NHSL1: variants seen among roughly 807,000 people sequenced by gnomAD.
NHSL1 encodes NHS like 1, also known as NHS-like protein 1.
In NHSL1, 48 loss-of-function variants were observed where a neutral mutation model predicts 95.0. That is an observed-to-expected ratio of 0.51 (90% CI 0.40 to 0.64). The LOEUF (loss-of-function observed/expected upper bound fraction) is 0.64, where lower values mean the gene tolerates loss of function less well. Ranked by LOEUF, NHSL1 falls within the 30% of genes least tolerant of loss-of-function variation. The probability of loss-of-function intolerance (pLI) is 0.00; values close to 1 mark genes in which losing one functional copy is unlikely to be tolerated. For missense variants in NHSL1, 1,971 were observed against 2,077.7 expected (o/e 0.95, Z 1.00); for synonymous variants, 783 against 833.9 (o/e 0.94, Z 1.05).
At position 138,456,871 on chromosome 6, in the gene NHSL1, ATTTC is replaced by A. The variant is rs1413030103; in HGVS notation, c.340-9682_340-9679del. Among the ~76,000 whole-genome samples the A allele has an allele frequency of 1.3e-4, 19 of 151,458 alleles. No homozygotes were observed. The South Asian group carries it at 3.1e-3, about 25-fold the overall frequency. ...GTTGAATGAAAAGGTATTTTCTGGAATTTCTTTCTTTCTTTTTTTTTTTTTGGAG... is the reference window on the plus strand; with the variant it reads ...GTTGAATGAAAAGGTATTTTCTGGAATTTCTTTCTTTTTTTTTTTTTGGAG... On this transcript the variant is annotated intron_variant, in intron 3 of 7. Transcript: ENST00000343505.
In NHSL1 at chr6:138,614,627, A is replaced by T. The variant is rs150140793; in HGVS notation, c.96+77849T>A. ...GAGGAAACTGAGACACAGTGAATTTAAATAAAATACTCCATGTCAGGGGGT... is the reference window on the plus strand; with the variant it reads ...GAGGAAACTGAGACACAGTGAATTTTAATAAAATACTCCATGTCAGGGGGT... On this transcript the variant is annotated intron_variant, in intron 1 of 3. Coordinates refer to the NHSL1 transcript ENST00000491526. Among the ~76,000 whole-genome samples, 20 of 152,328 alleles carry T rather than the reference A, an allele frequency of 1.3e-4. No homozygotes were observed. The East Asian group carries it at 3.5e-3, about 26-fold the overall frequency.
chr6:138,447,103 G>C lies in NHSL1; in HGVS notation c.430C>G (p.Gln144Glu), dbSNP rs1272805639. 21 of 1,551,794 alleles carry C rather than the reference G, an allele frequency of 1.4e-5. No homozygotes were observed. Among genetic ancestry groups the C allele is most frequent in the Non-Finnish European group, 1.7e-5 (20 of 1,147,010 alleles). Residue 144 changes from glutamine to glutamate, a missense_variant, in exon 4 of 8, where the codon CAG becomes GAG. By Grantham distance (29) the Gln-to-Glu change is conservative (BLOSUM62 2). Around this residue, in one of 3 missense-constraint regions of NHSL1, gnomAD observed 1,602 missense variants for 1,654.5 expected, o/e 0.97. Transcript: ENST00000343505. Reference protein sequence around the residue: ...ASSDFSDLNTQTNWTKSLPLP... With the variant: ...ASSDFSDLNTETNWTKSLPLP... ...GGAAGCGACTTGGTCCAGTTCGTCT[G>C]AGTATTAAGGTCGGAGAAGTCACTT...
intron 1 of NHSL1, among the ~76,000 whole-genome samples, chr6:138,645,655 G>T (rs1440821951): frequency 6.6e-6 from 1 of 151,624 alleles, no homozygotes. Flanking sequence ...CTACAGGTGT[G>T]CACCACCATG....
chr6:138,433,476 T>G lies in NHSL1; in HGVS notation c.869A>C (p.Gln290Pro). ...AGAGGAACCTGAGAAGTGGCCCATC[T>G]GGGCAGCAATGCCTTGCCCCTTCTG... Reference protein sequence around the residue: ...RAQKGQGIAAQMGHFSGSSGN... With the variant: ...RAQKGQGIAAPMGHFSGSSGN... The change falls in exon 6 of 8, where the codon CAG becomes CCG. Residue 290 changes from glutamine (Q) to proline (P), a missense_variant. Transcript: ENST00000343505. 1 of 1,552,204 alleles carries G rather than the reference T, an allele frequency of 6.4e-7. No individual in the cohort carries two copies. The highest frequency in any genetic ancestry group is 8.7e-7 in the Non-Finnish European group (1 of 1,147,114).
chr6:138,574,688 GA>G (rs933076238), upstream of NHSL1, among the ~76,000 whole-genome samples: 1 of 107,356 alleles, frequency 9.3e-6, no homozygotes, highest in Admixed American at 9.1e-5. Flanking sequence ...AAAAAAAAAA[GA>G]AAAGAAAAAA....
In NHSL1 at chr6:138,636,425, A is replaced by T. The variant is rs370007479; in HGVS notation, c.96+56051T>A. On this transcript the variant is annotated intron_variant, in intron 1 of 3. Transcript: ENST00000491526. ...TGGAAGTCCTAGCTAGAGAAATCAG[A>T]CAAGAGAAAGAAAGAAAGGGCATCC... Among the ~76,000 whole-genome samples the T allele has an allele frequency of 3.5e-4, 53 of 152,292 alleles. No individual in the cohort carries two copies. The East Asian group carries it at 7.7e-3, about 22-fold the overall frequency.
At chr6:138,657,684 G>A (rs909788479) in intron 1 of NHSL1, among the ~76,000 whole-genome samples, 53 of 151,562 alleles carry the variant, frequency 3.5e-4, no homozygotes, top group African/African-American at 7.0e-4. Context: ...GCTTGGTGGC[G>A]GGCGCCTGTG....
intron 1 of NHSL1, among the ~76,000 whole-genome samples, chr6:138,586,205 C>T (rs898884444): frequency 1.3e-5 from 2 of 151,718 alleles, no homozygotes; most frequent in Non-Finnish European, 2.9e-5. Flanking sequence ...AGAGATTCTC[C>T]TGCCTCATCC....
At chr6:138,429,013 T>C (rs1562254335) in intron 7 of NHSL1, among the ~76,000 whole-genome samples, 1 of 152,244 alleles carries the variant, frequency 6.6e-6, no homozygotes, top group Non-Finnish European at 1.5e-5. Context: ...AGTGATGCAG[T>C]AAGTAAAACT....
At chr6:138,677,744 C>T (rs1785465979) in intron 1 of NHSL1, among the ~76,000 whole-genome samples, 1 of 152,180 alleles carries the variant, frequency 6.6e-6, no homozygotes, top group African/African-American at 2.4e-5. Context: ...TCTCAAACTG[C>T]TGCTTCTCAA....
chr6:138,623,180 G>A (rs1265750159), intron 1 of NHSL1, among the ~76,000 whole-genome samples: 1 of 152,142 alleles, frequency 6.6e-6, no homozygotes, highest in African/African-American at 2.4e-5. Flanking sequence ...TGGGCAAAAG[G>A]CCAGTTTAGA....
At chr6:138,581,900 T>C (rs1359570186) in intron 1 of NHSL1, among the ~76,000 whole-genome samples, 1 of 108,582 alleles carries the variant, frequency 9.2e-6, no homozygotes, top group African/African-American at 7.2e-5. Context: ...TTTCTTTCTT[T>C]TTTTTTTTTT....
At chr6:138,519,969 C>T (rs1781608365) in intron 1 of NHSL1, among the ~76,000 whole-genome samples, 1 of 152,118 alleles carries the variant, frequency 6.6e-6, no homozygotes, top group Non-Finnish European at 1.5e-5. Flanking sequence ...TTATACTTTC[C>T]CAGCTGCCTT....
chr6:138,491,130 T>C (rs372174997), intron 2 of NHSL1, among the ~76,000 whole-genome samples: 1 of 152,208 alleles, frequency 6.6e-6, no homozygotes, highest in African/African-American at 2.4e-5. Context: ...TTTTAAATTC[T>C]AGAGCCATGG....
At chr6:138,442,253 AGGGC>A in intron 4 of NHSL1, 139 bp from the exon 5 acceptor site, 1 of 841,248 alleles carries the variant, frequency 1.2e-6, no homozygotes, top group Non-Finnish European at 1.7e-6. Flanking sequence ...TGAATGCTGA[AGGGC>A]AAAAAAGGAA....
At chr6:138,494,244 A>G (rs952370660) in intron 2 of NHSL1, among the ~76,000 whole-genome samples, 2 of 152,166 alleles carry the variant, frequency 1.3e-5, no homozygotes, top group African/African-American at 4.8e-5. Context: ...TGTGTTTGAG[A>G]GCTAGGACCC....
chr6:138,687,164 G>A (rs560491824), intron 1 of NHSL1, among the ~76,000 whole-genome samples: 220 of 152,170 alleles, frequency 1.4e-3, no homozygotes, highest in Non-Finnish European at 2.7e-3. Context: ...GTCAGACACG[G>A]TGGCTCACAC....
rs1785689223 is a variant in NHSL1, at chr6:138,692,303, C to T, written c.96+173G>A. ...TCCGAAAGTCACAGAGCGCTCTGCG[C>T]CCCTGCCACCTGCCCAGCCTCCCGC... On this transcript the variant is annotated intron_variant, in intron 1 of 3. Transcript: ENST00000491526. The surrounding 1 kb of genome is among the most constrained non-coding windows in gnomAD (Gnocchi z 4.0). 1 of 389,498 alleles carries T rather than the reference C, an allele frequency of 2.6e-6. No homozygotes were observed. The highest frequency in any genetic ancestry group is 2.1e-5 in the African/African-American group (1 of 47,766). 24.1% of individuals were successfully genotyped at this position (389,498 alleles called of 1,614,324 possible). A position where few individuals can be genotyped will look rare whatever the true frequency, so the allele number is the denominator to read the frequency against.
At position 138,624,563 on chromosome 6, in the gene NHSL1, T is replaced by C. The variant is rs1325812711; in HGVS notation, c.96+67913A>G. Among the ~76,000 whole-genome samples, 6 of 152,258 alleles carry C rather than the reference T, an allele frequency of 3.9e-5. No homozygotes were observed. The East Asian group carries it at 1.2e-3, about 29-fold the overall frequency. ...GATTACCTAGGGAAATCATGTAATC[T>C]CAAGGCAGAACAATGGGTGTCCCAT... On this transcript the variant is annotated intron_variant, in intron 1 of 3. Transcript: ENST00000491526.
Sources: allele counts gnomAD v4.1 joint callset (sites outside exome capture counted in the v4.1 genomes callset), GRCh38; gene constraint gnomAD v4.1.1; regional missense constraint gnomAD v4.1.1; non-coding constraint Gnocchi (gnomAD v3.1); transcripts MANE v1.5; gene names NCBI Gene and HGNC (gene_info 2026-07-23, HGNC 2026-07-21).